Variants in PTS observed in about 807,000 individuals in gnomAD.
PTS encodes 6-pyruvoyltetrahydropterin synthase, also known as 6-pyruvoyl tetrahydrobiopterin synthase.
A neutral mutation model predicts 20.6 loss-of-function variants in PTS; 23 were observed. That is an observed-to-expected ratio of 1.12 (90% CI 0.80 to 1.58). The LOEUF is 1.58. Among genes scored for constraint, PTS ranks in the 40% most tolerant of loss-of-function variants. The pLI, the probability that PTS is intolerant of heterozygous loss-of-function variation, is 0.00. For missense variants in PTS, 186 were observed against 182.4 expected, an observed-to-expected ratio of 1.02 and a Z score of -0.11; for synonymous variants, 65 against 62.5, an observed-to-expected ratio of 1.04 and a Z score of -0.19.
intron 1 of PTS, among the ~76,000 whole-genome samples, chr11:112,227,769 A>G (rs901701833): frequency 6.6e-6 from 1 of 152,166 alleles, no homozygotes; most frequent in Admixed American, 6.5e-5. Flanking sequence ...ATCCACTTCC[A>G]TGAGCCAAAC....
intron 1 of PTS, 27 bp downstream of exon 1, chr11:112,226,553 C>T: frequency 6.6e-7 from 1 of 1,513,548 alleles, no homozygotes; most frequent in Non-Finnish European, 8.8e-7. Context: ...GGTACAGCGG[C>T]GGGCGGTGGG....
intron 2 of PTS, chr11:112,229,374 AC>A (rs1466514891): frequency 2.6e-5 from 4 of 152,088 alleles, no homozygotes; most frequent in African/African-American, 9.7e-5. Flanking sequence ...TGTGTAAAGC[AC>A]TGATAAAGTT....
At position 112,233,726 on chromosome 11, in the gene PTS, T is replaced by A; in HGVS notation, c.*171T>A. 1 of 892,764 alleles carries A rather than the reference T, an allele frequency of 1.1e-6. No individual in the cohort carries two copies. The highest frequency in any genetic ancestry group is 1.5e-6 in the Non-Finnish European group (1 of 650,868). The allele number at this position is 892,764 out of a possible 1,614,324, so 55.3% of individuals were successfully genotyped here. A position where few individuals can be genotyped will look rare whatever the true frequency, so the allele number is the denominator to read the frequency against. On this transcript the variant is annotated 3_prime_UTR_variant, in exon 6 of 6. Transcript: ENST00000280362. Reference sequence around the variant, plus strand: ...GACCTGTTATAAATTTAAGTCTATTTAAAACTAAACTTGTAATATACATCC... The same window carrying A: ...GACCTGTTATAAATTTAAGTCTATTAAAAACTAAACTTGTAATATACATCC...
chr11:112,228,272 C>T, intron 1 of PTS: 1 of 347,058 alleles, frequency 2.9e-6, no homozygotes, highest in Non-Finnish European at 5.3e-6. Context: ...TTGCCTGTTA[C>T]ATTGTAGGCA....
chr11:112,226,636 G>C, intron 1 of PTS, 110 bp downstream of exon 1: 3 of 843,218 alleles, frequency 3.6e-6, no homozygotes, highest in Non-Finnish European at 4.9e-6. Context: ...GGGCGCGGGG[G>C]CTGCTGGGGC....
intron 2 of PTS, chr11:112,229,987 T>C (rs1859909342): frequency 1.7e-6 from 1 of 594,060 alleles, no homozygotes; most frequent in African/African-American, 1.9e-5. Context: ...CCAACATTCC[T>C]ACTAAGCTCC....
chr11:112,231,981 GAAAAGA>G (rs1383641135), intron 4 of PTS, among the ~76,000 whole-genome samples: 8 of 150,848 alleles, frequency 5.3e-5, no homozygotes, highest in African/African-American at 2.0e-4. Context: ...AGAAAAGAAA[GAAAAGA>G]GACAAGACAG....
chr11:112,228,953 T>G (rs909005095), intron 2 of PTS: 25 of 438,418 alleles, frequency 5.7e-5, no homozygotes, highest in African/African-American at 4.0e-4. Context: ...TCTTTCTGAT[T>G]AGGTATGGCC....
chr11:112,230,342 C>T, intron 3 of PTS, 112 bp downstream of exon 3: 2 of 1,319,136 alleles, frequency 1.5e-6, no homozygotes, highest in South Asian at 1.2e-5. Context: ...TCATTGTTGG[C>T]CCTTGTATAT....
At chr11:112,231,034 TTA>T (rs1444878178) in intron 4 of PTS, among the ~76,000 whole-genome samples, 39 of 148,272 alleles carry the variant, frequency 2.6e-4, no homozygotes, top group African/African-American at 3.5e-4. Context: ...TTTTTTTTTT[TTA>T]AATAGGCACA....
chr11:112,230,314 G>C, intron 3 of PTS, 84 bp downstream of exon 3: 2 of 1,471,916 alleles, frequency 1.4e-6, no homozygotes, highest in East Asian at 4.5e-5. Context: ...GTTGAAAACT[G>C]TTCCAGTCAG....
chr11:112,233,025 G>T (rs192941334), intron 4 of PTS, 138 bp from the exon 5 acceptor site: 20 of 895,070 alleles, frequency 2.2e-5, no homozygotes, highest in Admixed American at 1.7e-4. Context: ...AAGTTGCCTT[G>T]TAAGACTCAA....
chr11:112,230,441 A>G, intron 3 of PTS, 185 bp from the exon 4 acceptor site: 2 of 792,612 alleles, frequency 2.5e-6, no homozygotes, highest in East Asian at 2.6e-5. Flanking sequence ...TAGAAGGGCT[A>G]TACAATGAAA....
intron 1 of PTS, 101 bp downstream of exon 1, chr11:112,226,627 G>A: frequency 9.9e-7 from 1 of 1,006,832 alleles, no homozygotes; most frequent in Non-Finnish European, 1.3e-6. Context: ...GCCCGGGAGG[G>A]GCGCGGGGGC....
chr11:112,233,524 A>T lies in PTS; in HGVS notation c.407A>T (p.Asp136Val), dbSNP rs1859972447. ...VLYKVKVYET[D>V]NNIVVYKGE ...TATAAAGTAAAAGTATACGAAACTG[A>T]CAATAATATTGTGGTTTATAAAGGA... Residue 136 changes from aspartate (D) to valine (V), a missense_variant, in exon 6 of 6, where the codon GAC becomes GTC. Asp to Val is a radical substitution (Grantham distance 152, BLOSUM62 -3). Coordinates refer to ENST00000280362, the MANE Select transcript of PTS (RefSeq NM_000317.3). The T allele has an allele frequency of 5.0e-6, 8 of 1,613,724 alleles. No homozygotes were observed. The highest frequency in any genetic ancestry group is 1.7e-5 in the Admixed American group (1 of 60,018).
rs12291603 is a variant in PTS at position 112,230,111 on chromosome 11, T to C, written c.164-97T>C. On this transcript the variant is annotated intron_variant, in intron 2 of 5. Transcript: ENST00000280362. ...TTTTGGGGACAGATCTAATAATTTATGTTGCCAACTTGTGCTTGTATGTTG... is the reference window on the plus strand; with the variant it reads ...TTTTGGGGACAGATCTAATAATTTACGTTGCCAACTTGTGCTTGTATGTTG... 6.5e-3 allele frequency: 7,471 copies of C among 1,154,260 alleles called. 339 individuals carry two copies. In the African/African-American group the frequency reaches 0.097, roughly 15 times the overall value. 71.5% of individuals were successfully genotyped at this position (1,154,260 alleles called of 1,614,324 possible).
Position 112,226,457 on chromosome 11 carries a change from G to T in PTS, c.14G>T (p.Gly5Val), listed in dbSNP as rs780908884. The T allele has an allele frequency of 1.3e-5, 20 of 1,580,840 alleles. No individual in the cohort carries two copies. Among genetic ancestry groups the T allele is most frequent in the Non-Finnish European group, 1.7e-5 (20 of 1,165,666 alleles). The change falls in exon 1 of 6, where the codon GGT (glycine) becomes GTT (valine). Residue 5 changes from glycine to valine, a missense_variant. Gly to Val is a moderately radical substitution (Grantham distance 109). Coordinates refer to ENST00000280362, the MANE Select transcript of PTS (RefSeq NM_000317.3). MSTEGGGRRCQAQVS... is the reference protein window; with the variant it reads MSTEVGGRRCQAQVS... ...AGCGCCGGGAAGATGAGCACGGAAG[G>T]TGGTGGCCGTCGCTGCCAGGCACAA...
chr11:112,233,643 G>A lies in PTS; in HGVS notation c.*88G>A. 6 of 1,587,424 alleles carry A rather than the reference G, an allele frequency of 3.8e-6. No individual in the cohort carries two copies. The highest frequency in any genetic ancestry group is 2.3e-5 in the South Asian group (2 of 88,436). Reference sequence around the variant, plus strand: ...CCTTGGAATATTAAGAGGTCAACACGTGATTGTTGTACGTACACATTGTGC... The same window carrying A: ...CCTTGGAATATTAAGAGGTCAACACATGATTGTTGTACGTACACATTGTGC... On this transcript the variant is annotated 3_prime_UTR_variant, in exon 6 of 6. Transcript: ENST00000280362.
At chr11:112,229,392 T>G (rs78055963) in intron 2 of PTS, 2 of 149,472 alleles carry the variant, frequency 1.3e-5, no homozygotes, top group Non-Finnish European at 3.0e-5. Flanking sequence ...AGTTTTTTTT[T>G]GTTGTTGTTG....
Sources: allele counts gnomAD v4.1 joint callset (sites outside exome capture counted in the v4.1 genomes callset), GRCh38; gene constraint gnomAD v4.1.1; transcripts MANE v1.5; gene names NCBI Gene and HGNC (gene_info 2026-07-23, HGNC 2026-07-21).